Variants in FOCAD observed in about 807,000 individuals in gnomAD.
The protein encoded by FOCAD is focadhesin.
Under a neutral mutation model 225.6 loss-of-function variants are expected in FOCAD, and 198 were observed. That is an observed-to-expected ratio of 0.88 (90% CI 0.78 to 0.99). The LOEUF is 0.99. FOCAD is among the 50% of genes least tolerant of loss of function. The pLI, the probability that FOCAD is intolerant of heterozygous loss-of-function variation, is 0.00. For missense variants in FOCAD, 2,713 were observed against 2,123.6 expected (o/e 1.28, Z -5.46); for synonymous variants, 897 against 755.0 (o/e 1.19, Z -3.08).
At chr9:20,785,676 G>T (rs971187661) in intron 10 of FOCAD, among the ~76,000 whole-genome samples, 1 of 152,024 alleles carries the variant, frequency 6.6e-6, no homozygotes, top group Non-Finnish European at 1.5e-5. Flanking sequence ...CGAACTTTTG[G>T]CTCTTTCCCA....
Position 20,882,068 on chromosome 9 carries a change from A to G in FOCAD, c.2503+12A>G. The stretch of plus-strand genomic sequence containing the variant: ...ACCTGGCCTTGCAGGTAAGGGTAGT[A>G]CATAGTATCAAAAATACAGGTTTTT... On this transcript the variant is annotated intron_variant, in intron 20 of 43. Transcript: ENST00000338382. 1 of 1,592,548 alleles carries G rather than the reference A, an allele frequency of 6.3e-7. No homozygotes were observed. The highest frequency in any genetic ancestry group is 8.5e-7 in the Non-Finnish European group (1 of 1,171,814).
chr9:20,730,798 A>G (rs1419105119), intron 4 of FOCAD, among the ~76,000 whole-genome samples: 1 of 152,214 alleles, frequency 6.6e-6, no homozygotes, highest in Non-Finnish European at 1.5e-5. Flanking sequence ...GGCAATCCTC[A>G]TAGCAGTTAA....
chr9:20,821,996 TAAAAAAAAAAAAAAA>T (rs58640962), intron 14 of FOCAD, among the ~76,000 whole-genome samples: 11 of 49,300 alleles, frequency 2.2e-4, no homozygotes, highest in African/African-American at 8.7e-4. Flanking sequence ...TAAAAGTTAC[TAAAAAAAAAAAAAAA>T]AAAAAAAAAA....
rs1014413780 is a variant in FOCAD at position 20,932,145 on chromosome 9, G to A, written c.3318-869G>A. On this transcript the variant is annotated intron_variant, in intron 27 of 43. Coordinates refer to ENST00000338382, the MANE Select transcript of FOCAD (RefSeq NM_001375567.1). Reference sequence around the variant, plus strand: ...GGACAACTTTTATAGGATTTATTTAGTTAAAGCTATTAAGTCTGTGTGTGT... The same window carrying A: ...GGACAACTTTTATAGGATTTATTTAATTAAAGCTATTAAGTCTGTGTGTGT... Among the ~76,000 whole-genome samples, 6 of 152,102 alleles carry A rather than the reference G, an allele frequency of 3.9e-5. No individual in the cohort carries two copies. In the East Asian group the frequency reaches 7.7e-4, roughly 20 times the overall value.
chr9:20,923,882 T>A, intron 25 of FOCAD, 114 bp downstream of exon 25: 2 of 743,532 alleles, frequency 2.7e-6, no homozygotes, highest in South Asian at 1.6e-5. Flanking sequence ...CACCAAGTTA[T>A]AGTACTTGAT....
chr9:20,767,472 C>G (rs1216421789), intron 7 of FOCAD, among the ~76,000 whole-genome samples: 1 of 150,790 alleles, frequency 6.6e-6, no homozygotes, highest in African/African-American at 2.4e-5. Context: ...TTCTCCACGT[C>G]CTCTCCAGCA....
chr9:20,777,952 C>T (rs1377978174), intron 8 of FOCAD, among the ~76,000 whole-genome samples: 1 of 151,326 alleles, frequency 6.6e-6, no homozygotes, highest in African/African-American at 2.4e-5. Flanking sequence ...TAGCCGGGCG[C>T]AGTGGCGGGC....
chr9:20,957,094 G>T (rs77158516), intron 35 of FOCAD, among the ~76,000 whole-genome samples: 1 of 151,954 alleles, frequency 6.6e-6, no homozygotes, highest in Non-Finnish European at 1.5e-5. Flanking sequence ...ACAAGGTCTC[G>T]GCTCTATCAC....
intron 35 of FOCAD, among the ~76,000 whole-genome samples, chr9:20,958,563 C>A (rs535218189): frequency 2.0e-5 from 3 of 152,232 alleles, no homozygotes; most frequent in African/African-American, 7.2e-5. Flanking sequence ...CTCCTCCTAG[C>A]TACTTGAAAC....
intron 15 of FOCAD, among the ~76,000 whole-genome samples, chr9:20,831,824 T>A (rs1825521955): frequency 6.6e-6 from 1 of 152,078 alleles, no homozygotes; most frequent in Non-Finnish European, 1.5e-5. Context: ...TACCTCAGAA[T>A]GAAACCCACA....
intron 4 of FOCAD, among the ~76,000 whole-genome samples, chr9:20,739,323 G>A (rs1262461147): frequency 6.6e-6 from 1 of 152,078 alleles, no homozygotes; most frequent in African/African-American, 2.4e-5. Context: ...TTACTTTTTG[G>A]CTGGGCACAG....
At chr9:20,825,283 T>G (rs971821749) in intron 15 of FOCAD, among the ~76,000 whole-genome samples, 3 of 151,938 alleles carry the variant, frequency 2.0e-5, no homozygotes, top group African/African-American at 7.3e-5. Flanking sequence ...ATTTACTAAC[T>G]GGGGGCTCAT....
At chr9:20,940,984 T>C (rs1564182401) in intron 28 of FOCAD, among the ~76,000 whole-genome samples, 1 of 152,188 alleles carries the variant, frequency 6.6e-6, no homozygotes, top group Non-Finnish European at 1.5e-5. Flanking sequence ...TAATTCTTCC[T>C]TCTGCTTTTT....
chr9:20,982,746 G>A (rs1034047199), intron 39 of FOCAD, among the ~76,000 whole-genome samples: 18 of 152,164 alleles, frequency 1.2e-4, no homozygotes, highest in African/African-American at 4.1e-4. Context: ...TGAAAAGCAA[G>A]CACTATTAGC....
intron 1 of FOCAD, among the ~76,000 whole-genome samples, chr9:20,697,471 C>G (rs779474277): frequency 7.9e-5 from 12 of 152,214 alleles, no homozygotes; most frequent in Admixed American, 2.6e-4. Flanking sequence ...CTCTCACTGC[C>G]TAACTTGCTG....
At chr9:20,848,197 A>G (rs1311923666) in intron 15 of FOCAD, among the ~76,000 whole-genome samples, 1 of 152,108 alleles carries the variant, frequency 6.6e-6, no homozygotes, top group Non-Finnish European at 1.5e-5. Context: ...GCTTCAAGAA[A>G]GTATGGGCGG....
chr9:20,944,615 T>C lies in FOCAD; in HGVS notation c.3408-12T>C. ...TTATGATCCTAACATCTTATCTTTT[T>C]TGGCTTCCAAGCACGGGCTGTATAT... On this transcript the variant is annotated splice_polypyrimidine_tract_variant and intron_variant, in intron 28 of 43. Coordinates refer to ENST00000338382, the MANE Select transcript of FOCAD (RefSeq NM_001375567.1). 1 of 1,608,852 alleles carries C rather than the reference T, an allele frequency of 6.2e-7. No homozygotes were observed. Among genetic ancestry groups the C allele is most frequent in the African/African-American group, 1.3e-5 (1 of 74,916 alleles).
chr9:20,990,462 G>T (rs1841553546), intron 42 of FOCAD, 88 bp downstream of exon 42: 1 of 1,468,808 alleles, frequency 6.8e-7, no homozygotes, highest in African/African-American at 1.4e-5. Context: ...GGAGTTAAGT[G>T]CGTCTTGAAT....
intron 35 of FOCAD, among the ~76,000 whole-genome samples, chr9:20,958,980 A>G (rs1258443192): frequency 6.6e-6 from 1 of 152,164 alleles, no homozygotes; most frequent in East Asian, 1.9e-4. Flanking sequence ...GGCTATTGTG[A>G]ATAGTACTAA....
Sources: gnomAD v4.1 joint callset for allele counts (sites outside exome capture counted in the v4.1 genomes callset) on GRCh38, gnomAD v4.1.1 for gene constraint, MANE v1.5 for transcripts, NCBI Gene and HGNC (gene_info 2026-07-23, HGNC 2026-07-21) for gene names.